FBXL13: variants seen among roughly 807,000 people sequenced by gnomAD.
FBXL13 encodes F-box and leucine-rich repeat protein 13.
Under a neutral mutation model 83.6 loss-of-function variants are expected in FBXL13, and 67 were observed. The observed-to-expected ratio is 0.80, with a 90% CI of 0.66 to 0.98. The LOEUF (loss-of-function observed/expected upper bound fraction) is 0.98. Among genes scored for constraint, FBXL13 ranks in the 50% least tolerant of loss-of-function variants. FBXL13 has a pLI of 0.00. For synonymous variants in FBXL13, 272 were observed against 299.5 expected (o/e 0.91, Z 0.95); for missense variants, 822 against 866.5 (o/e 0.95, Z 0.64).
intron 18 of FBXL13, among the ~76,000 whole-genome samples, chr7:102,831,977 A>T (rs1256468567): frequency 2.0e-5 from 3 of 152,202 alleles, no homozygotes; most frequent in Non-Finnish European, 4.4e-5. Context: ...GTAGGTTACA[A>T]TGTATTTTGG....
At chr7:102,834,086 A>AAAAGAAAGAAAGAAAGAAAG (rs751744146) in intron 17 of FBXL13, among the ~76,000 whole-genome samples, 10 of 93,696 alleles carry the variant, frequency 1.1e-4, no homozygotes, top group East Asian at 3.9e-4. Flanking sequence ...GGAAGGAAAG[A>AAAAGAAAGAAAGAAAGAAAG]AAAGAAAGAA....
intron 17 of FBXL13, 91 bp from the exon 19 acceptor site, chr7:102,833,065 C>G: frequency 4.5e-6 from 6 of 1,331,256 alleles, no homozygotes; most frequent in Non-Finnish European, 5.1e-6. Context: ...ACATTTCAGT[C>G]CCTGAAATAC....
chr7:102,847,059 G>A (rs1407230735), intron 17 of FBXL13, among the ~76,000 whole-genome samples: 1 of 152,136 alleles, frequency 6.6e-6, no homozygotes, highest in Non-Finnish European at 1.5e-5. Flanking sequence ...CATAAATAAA[G>A]TTTTATTGGA....
chr7:102,893,836 A>G (rs1233869117), intron 11 of FBXL13, among the ~76,000 whole-genome samples: 1 of 147,680 alleles, frequency 6.8e-6, no homozygotes, highest in African/African-American at 2.5e-5. Flanking sequence ...GAAGAAGGGG[A>G]AGGGAAAGGC....
chr7:102,843,548 G>A (rs6959130), intron 17 of FBXL13, among the ~76,000 whole-genome samples: 2,760 of 149,094 alleles, frequency 0.019, 100 homozygotes, highest in African/African-American at 0.064. Context: ...GCCAAGGTGA[G>A]TGGATCACTT....
chr7:103,061,920 AG>A (rs1212761466), intron 1 of FBXL13, among the ~76,000 whole-genome samples: 1 of 146,772 alleles, frequency 6.8e-6, no homozygotes, highest in Non-Finnish European at 1.5e-5. Context: ...CCTGGGCAAC[AG>A]AGCAAGACTG....
At chr7:102,839,234 T>A (rs1386009643) in intron 17 of FBXL13, among the ~76,000 whole-genome samples, 1 of 152,202 alleles carries the variant, frequency 6.6e-6, no homozygotes, top group African/African-American at 2.4e-5. Context: ...GTGACACAGA[T>A]TCCTTTGCTC....
chr7:103,043,299 A>C (rs1385179608), intron 2 of FBXL13, among the ~76,000 whole-genome samples: 1 of 152,226 alleles, frequency 6.6e-6, no homozygotes, highest in Non-Finnish European at 1.5e-5. Context: ...TAGAATGGAG[A>C]TCATTAAGAA....
intron 1 of FBXL13, among the ~76,000 whole-genome samples, chr7:103,073,546 ATACTT>A (rs1394619296): frequency 2.0e-5 from 3 of 152,178 alleles, no homozygotes; most frequent in African/African-American, 7.2e-5. Context: ...AGGTACAGAT[ATACTT>A]TATTCTACAT....
chr7:102,944,080 GGAAAA>G (rs1211619528), intron 8 of FBXL13: 11 of 711,878 alleles, frequency 1.5e-5, no homozygotes, highest in East Asian at 8.4e-5. Flanking sequence ...GAAAAAGAAA[GGAAAA>G]GAAATCTCTT....
At chr7:103,068,268 A>G (rs963888878) in intron 1 of FBXL13, among the ~76,000 whole-genome samples, 4 of 152,218 alleles carry the variant, frequency 2.6e-5, no homozygotes, top group Non-Finnish European at 4.4e-5. Context: ...CATAATGAAG[A>G]CAGTGAGTGC....
chr7:103,029,007 T>C (rs1379415824), intron 3 of FBXL13, among the ~76,000 whole-genome samples: 1 of 152,064 alleles, frequency 6.6e-6, no homozygotes, highest in Non-Finnish European at 1.5e-5. Context: ...TAATTCCAAT[T>C]TACCAAAAGA....
chr7:102,884,414 T>G (rs1000593823), intron 11 of FBXL13, 102 bp from the exon 13 acceptor site: 1 of 810,152 alleles, frequency 1.2e-6, no homozygotes, highest in African/African-American at 1.7e-5. Flanking sequence ...TACTATGTTT[T>G]AAAATTAACC....
exon 20 of FBXL13, chr7:102,813,491 C>G: frequency 6.2e-7 from 1 of 1,614,086 alleles, no homozygotes; most frequent in Non-Finnish European, 8.5e-7. Flanking sequence ...GTGTTGTATT[C>G]CTGCTGCTGA....
intron 17 of FBXL13, among the ~76,000 whole-genome samples, chr7:102,843,503 G>A (rs908826884): frequency 6.6e-6 from 1 of 152,056 alleles, no homozygotes; most frequent in Non-Finnish European, 1.5e-5. Flanking sequence ...GGCTGGGTAC[G>A]GTGGCTCACG....
chr7:102,936,916 T>G (rs1820427238), intron 8 of FBXL13, among the ~76,000 whole-genome samples: 1 of 99,396 alleles, frequency 1.0e-5, no homozygotes, highest in Non-Finnish European at 2.2e-5. Context: ...TGCTTTTGTG[T>G]TTTTTTCCTT....
At chr7:103,013,490 G>A (rs1055995042) in intron 6 of FBXL13, among the ~76,000 whole-genome samples, 1 of 151,934 alleles carries the variant, frequency 6.6e-6, no homozygotes. Context: ...TCAATCAAAA[G>A]CATACAATTA....
chr7:102,948,118 C>T (rs1822822747), intron 8 of FBXL13, among the ~76,000 whole-genome samples: 1 of 150,450 alleles, frequency 6.6e-6, no homozygotes, highest in Admixed American at 6.7e-5. Context: ...GGCAGGAGTG[C>T]AATGGCACCA....
exon 2 of FBXL13, chr7:103,055,687 T>C (rs1375623630): frequency 4.7e-6 from 6 of 1,286,468 alleles, no homozygotes; most frequent in Non-Finnish European, 6.1e-6. Flanking sequence ...ACCATGATCA[T>C]TCCCTCTAAA....
Sources: gnomAD v4.1 joint callset for allele counts (sites outside exome capture counted in the v4.1 genomes callset) on GRCh38, gnomAD v4.1.1 for gene constraint, MANE v1.5 for transcripts, NCBI Gene and HGNC (gene_info 2026-07-23, HGNC 2026-07-21) for gene names.